SHISA9: variants seen among roughly 807,000 people sequenced by gnomAD.
SHISA9 encodes the protein protein shisa-9.
In SHISA9, 13 loss-of-function variants were observed where a neutral mutation model predicts 38.0. The observed-to-expected ratio is 0.34, with a 90% CI of 0.22 to 0.54. The LOEUF (loss-of-function observed/expected upper bound fraction) is 0.54, where lower values mean the gene tolerates loss of function less well. Ranked by LOEUF, SHISA9 falls within the 20% of genes least tolerant of loss-of-function variation. SHISA9 has a pLI of 0.91. For synonymous variants in SHISA9, 275 were observed against 242.0 expected, an observed-to-expected ratio of 1.14 and a Z score of -1.27; for missense variants, 538 against 575.8, an observed-to-expected ratio of 0.93 and a Z score of 0.67.
the SHISA9 span, among the ~76,000 whole-genome samples, chr16:13,518,326 T>A: frequency 2.6e-5 from 4 of 151,938 alleles, no homozygotes; most frequent in Non-Finnish European, 1.5e-5. Context: ...AGATGCTATC[T>A]CAGACTAGCC....
At chr16:13,352,588 C>T in the SHISA9 span, among the ~76,000 whole-genome samples, 2 of 151,830 alleles carry the variant, frequency 1.3e-5, no homozygotes, top group Non-Finnish European at 1.5e-5. Context: ...TATTTTCATG[C>T]GCGTCCGTGT....
chr16:13,186,173 T>A (rs941854861), intron 2 of SHISA9, among the ~76,000 whole-genome samples: 1 of 152,132 alleles, frequency 6.6e-6, no homozygotes, highest in Non-Finnish European at 1.5e-5. Context: ...ATGCCTGGTT[T>A]ATTGAATGGG....
intron 2 of SHISA9, among the ~76,000 whole-genome samples, chr16:12,958,412 T>G (rs1442177776): frequency 6.6e-6 from 1 of 152,232 alleles, no homozygotes; most frequent in Non-Finnish European, 1.5e-5. Context: ...TTTTGATTCC[T>G]GGCTTGTGGA....
the SHISA9 span, among the ~76,000 whole-genome samples, chr16:13,321,450 T>C: frequency 1.3e-5 from 2 of 152,214 alleles, no homozygotes; most frequent in African/African-American, 4.8e-5. Flanking sequence ...GCTTTTGCAT[T>C]CTGCTGTCCA....
chr16:13,454,690 G>A, the SHISA9 span, among the ~76,000 whole-genome samples: 9 of 152,164 alleles, frequency 5.9e-5, no homozygotes, highest in East Asian at 1.9e-4. Flanking sequence ...ACTGTCCCCC[G>A]AAGCCCATTA....
intron 1 of SHISA9, chr16:12,909,465 C>T (rs1567335152): frequency 1.3e-5 from 13 of 985,262 alleles, no homozygotes; most frequent in Non-Finnish European, 1.6e-5. Context: ...AAGCAAGATA[C>T]CGGGACTCTG....
intron 2 of SHISA9, among the ~76,000 whole-genome samples, chr16:12,966,349 C>T (rs2071977499): frequency 1.6e-5 from 1 of 61,146 alleles, no homozygotes; most frequent in Non-Finnish European, 3.5e-5. Context: ...CCTCCCTTCT[C>T]AAATCCTAAA....
chr16:13,280,932 A>G, the SHISA9 span, among the ~76,000 whole-genome samples: 10 of 151,902 alleles, frequency 6.6e-5, no homozygotes, highest in Admixed American at 2.6e-4. Flanking sequence ...AGGAAACCCA[A>G]AGAAATGGGA....
At chr16:13,075,582 G>A (rs117746939) in intron 2 of SHISA9, among the ~76,000 whole-genome samples, 7 of 152,236 alleles carry the variant, frequency 4.6e-5, no homozygotes, top group East Asian at 3.9e-4. Context: ...TCAACCTAAG[G>A]CTTTCTGGAT....
At chr16:12,961,211 A>G (rs1022980955) in intron 2 of SHISA9, among the ~76,000 whole-genome samples, 1 of 152,138 alleles carries the variant, frequency 6.6e-6, no homozygotes, top group African/African-American at 2.4e-5. Context: ...TGCAGGGACA[A>G]CCTTGAGTGG....
the SHISA9 span, among the ~76,000 whole-genome samples, chr16:13,370,923 A>C: frequency 2.0e-5 from 3 of 152,178 alleles, no homozygotes; most frequent in African/African-American, 7.2e-5. Context: ...TTAGTGCTTT[A>C]AGTGATAGGG....
intron 2 of SHISA9, among the ~76,000 whole-genome samples, chr16:13,060,721 C>T (rs955722296): frequency 2.7e-5 from 4 of 150,620 alleles, no homozygotes; most frequent in Non-Finnish European, 4.4e-5. Context: ...CACAGAGAGA[C>T]AACAGAAGAG....
At chr16:13,539,463 C>T in the SHISA9 span, among the ~76,000 whole-genome samples, 1 of 150,862 alleles carries the variant, frequency 6.6e-6, no homozygotes, top group Non-Finnish European at 1.5e-5. Flanking sequence ...AGGTGTCAAC[C>T]ACTATGCTTG....
chr16:13,484,298 G>A, the SHISA9 span, among the ~76,000 whole-genome samples: 1 of 152,126 alleles, frequency 6.6e-6, no homozygotes, highest in African/African-American at 2.4e-5. Context: ...AAATTGTATA[G>A]CTTTTATAAT....
chr16:13,174,396 G>T (rs2050714083), intron 2 of SHISA9, among the ~76,000 whole-genome samples: 1 of 152,156 alleles, frequency 6.6e-6, no homozygotes, highest in Non-Finnish European at 1.5e-5. Context: ...ATCACTGTCA[G>T]AGTCCTTGAC....
the SHISA9 span, among the ~76,000 whole-genome samples, chr16:13,365,544 C>A: frequency 6.6e-6 from 1 of 150,948 alleles, no homozygotes; most frequent in Non-Finnish European, 1.5e-5. Flanking sequence ...GCAACCTCCG[C>A]CTCCCGGGTT....
At chr16:13,023,864 G>A (rs1290031853) in intron 2 of SHISA9, among the ~76,000 whole-genome samples, 1 of 152,154 alleles carries the variant, frequency 6.6e-6, no homozygotes, top group Non-Finnish European at 1.5e-5. Flanking sequence ...TGGAGGTTAG[G>A]ACATGGTCAT....
intron 2 of SHISA9, among the ~76,000 whole-genome samples, chr16:13,073,957 GT>G (rs11442270): frequency 1.3e-4 from 14 of 103,892 alleles, no homozygotes; most frequent in South Asian, 7.8e-4. Context: ...TCTGCTGGTC[GT>G]TTTTTTTTTT....
chr16:13,153,676 G>A (rs866267658), intron 2 of SHISA9, among the ~76,000 whole-genome samples: 4 of 152,238 alleles, frequency 2.6e-5, no homozygotes, highest in East Asian at 1.9e-4. Context: ...GTGGCCCTCC[G>A]GAGGGTATCA....
Sources: allele counts gnomAD v4.1 joint callset (sites outside exome capture counted in the v4.1 genomes callset), GRCh38; gene constraint gnomAD v4.1.1; transcripts MANE v1.5; gene names NCBI Gene and HGNC (gene_info 2026-07-23, HGNC 2026-07-21).